The following PFAS variants were observed in gnomAD, a reference collection of about 807,000 sequenced individuals.
PFAS encodes the protein phosphoribosylformylglycinamidine synthase.
PFAS carries 97 observed loss-of-function variants against 140.6 expected under a neutral mutation model. The observed-to-expected ratio is 0.69, with a 90% CI of 0.59 to 0.82. PFAS has a LOEUF of 0.82. Ranked by LOEUF, PFAS falls within the 40% of genes least tolerant of loss-of-function variation. The pLI, the probability that PFAS is intolerant of heterozygous loss-of-function variation, is 0.00. For missense variants in PFAS, 1,656 were observed against 1,780.2 expected, an observed-to-expected ratio of 0.93 and a Z score of 1.26; for synonymous variants, 679 against 718.8, an observed-to-expected ratio of 0.94 and a Z score of 0.88.
intron 1 of PFAS, among the ~76,000 whole-genome samples, chr17:8,252,044 A>G (rs960110303): frequency 6.6e-6 from 1 of 151,978 alleles, no homozygotes; most frequent in South Asian, 2.1e-4. Context: ...CTGTAATCCC[A>G]ACGCTTTGGG....
chr17:8,254,211 T>C lies in PFAS; in HGVS notation c.188T>C (p.Leu63Pro), dbSNP rs1446727881. ...SAEETKKLMW[L>P]FGCPLLLDDV... ...GAGGAGACAAAGAAGCTGATGTGGC[T>C]GTTTGGTTGCCCCTTACTGCTGGAT... Residue 63 changes from leucine to proline, a missense_variant, in exon 3 of 28, where the codon CTG (leucine) becomes CCG (proline). By Grantham distance (98) the Leu-to-Pro change is moderately conservative. This residue lies in a region of PFAS where 773 missense variants were observed against 757.3 expected (regional missense o/e 1.02). Transcript: ENST00000314666. The C allele has an allele frequency of 6.2e-7, 1 of 1,614,196 alleles. No homozygotes were observed. The highest frequency in any genetic ancestry group is 8.5e-7 in the Non-Finnish European group (1 of 1,180,030).
chr17:8,265,159 C>G, intron 18 of PFAS, 34 bp downstream of exon 18: 1 of 1,578,630 alleles, frequency 6.3e-7, no homozygotes, highest in Non-Finnish European at 8.7e-7. Context: ...CCTGGAGCCC[C>G]CGGGCTTCAG....
At chr17:8,247,931 A>G (rs1988902797), upstream of PFAS, 1 of 1,498,256 alleles carries the variant, frequency 6.7e-7, no homozygotes, top group Non-Finnish European at 9.2e-7. Flanking sequence ...GACAAGGCAG[A>G]GGAAATAGGA....
rs1324453195 is a variant in PFAS at position 8,254,174 on chromosome 17, C to G, written c.151C>G (p.Leu51Val). 1 of 1,614,116 alleles carries G rather than the reference C, an allele frequency of 6.2e-7. No homozygotes were observed. Among genetic ancestry groups the G allele is most frequent in the Non-Finnish European group, 8.5e-7 (1 of 1,180,026 alleles). Reference protein sequence around the residue: ...CYNVNWTAEALPSAEETKKLM... With the variant: ...CYNVNWTAEAVPSAEETKKLM... The stretch of plus-strand genomic sequence containing the variant: ...GCCCTGTCTCCCTGCAGCTGAGGCC[C>G]TCCCCAGTGCTGAGGAGACAAAGAA... Residue 51 changes from leucine (L) to valine (V), a missense_variant, in exon 3 of 28, where the codon CTC becomes GTC. By Grantham distance (32) the Leu-to-Val change is conservative (BLOSUM62 1). Coordinates refer to ENST00000314666, the MANE Select transcript of PFAS (RefSeq NM_012393.3).
intron 20 of PFAS, 56 bp from the exon 21 acceptor site, chr17:8,265,806 C>T: frequency 4.1e-6 from 6 of 1,470,728 alleles, no homozygotes; most frequent in Non-Finnish European, 5.7e-6. Context: ...GTGAGCCCCT[C>T]AGGGATGGGT....
rs142981007 is a variant in PFAS at position 8,256,603 on chromosome 17, C to T, written c.901C>T (p.Leu301=). Residue 301 remains leucine, a synonymous_variant, in exon 8 of 28, where the codon CTG becomes TTG. Coordinates refer to ENST00000314666, the MANE Select transcript of PFAS (RefSeq NM_012393.3). ...RPSRFQQQQG[L]RHVVFTAETH... is the part of the protein sequence containing the mutation. The stretch of plus-strand genomic sequence containing the variant: ...AAGCCGCTTCCAGCAACAGCAAGGG[C>T]TGAGACATGTTGTCTTCACAGCAGA... 52 of 1,614,072 alleles carry T rather than the reference C, an allele frequency of 3.2e-5. No homozygotes were observed. The African/African-American group carries it at 6.5e-4, about 20-fold the overall frequency.
At chr17:8,254,562 G>T (rs1417593190) in intron 3 of PFAS, among the ~76,000 whole-genome samples, 1 of 152,174 alleles carries the variant, frequency 6.6e-6, no homozygotes, top group African/African-American at 2.4e-5. Flanking sequence ...CCAGCACTTT[G>T]GGAGGCCGAG....
intron 11 of PFAS, 148 bp downstream of exon 11, chr17:8,258,347 C>G (rs1417303114): frequency 1.1e-6 from 1 of 886,120 alleles, no homozygotes; most frequent in East Asian, 2.6e-5. Context: ...ACAACTCATT[C>G]TGAGAAATGT....
At position 8,265,072 on chromosome 17, in the gene PFAS, G is replaced by A; in HGVS notation, c.2227G>A (p.Ala743Thr). 1 of 1,613,434 alleles carries A rather than the reference G, an allele frequency of 6.2e-7. No individual in the cohort carries two copies. The highest frequency in any genetic ancestry group is 8.5e-7 in the Non-Finnish European group (1 of 1,180,002). ...GGACCCAAAAGTCGCCGCCCGGCTGGCCGTGGCCGAAGCCCTCACCAACCT... is the reference window on the plus strand; with the variant it reads ...GGACCCAAAAGTCGCCGCCCGGCTGACCGTGGCCGAAGCCCTCACCAACCT... ...LLDPKVAARLAVAEALTNLVF... is the reference protein window; with the variant it reads ...LLDPKVAARLTVAEALTNLVF... Residue 743 changes from alanine to threonine, a missense_variant, in exon 18 of 28, where the codon GCC becomes ACC. Physicochemically the swap from Ala to Thr is moderately conservative, Grantham distance 58 (BLOSUM62 0). This residue lies in a region of PFAS where 883 missense variants were observed against 1,023.0 expected (regional missense o/e 0.86). Coordinates refer to ENST00000314666, the MANE Select transcript of PFAS (RefSeq NM_012393.3).
Position 8,267,674 on chromosome 17 carries a change from G to T in PFAS, c.3382+9G>T. 6.9e-7 allele frequency: 1 copy of T among 1,454,054 alleles called. No individual in the cohort carries two copies. Among genetic ancestry groups the T allele is most frequent in the Non-Finnish European group, 9.6e-7 (1 of 1,037,588 alleles). The allele number at this position is 1,454,054 out of a possible 1,614,324, so 90.1% of individuals were successfully genotyped here. ...CCTGGGCTCTGCCAAAGGTCAGTGT[G>T]CAGGCTTCTGCCCACTCCCTTCCCC... On this transcript the variant is annotated intron_variant, in intron 26 of 27. Coordinates refer to ENST00000314666, the MANE Select transcript of PFAS (RefSeq NM_012393.3). The surrounding 1 kb of genome is among the most constrained non-coding windows in gnomAD (Gnocchi z 4.9).
Position 8,265,300 on chromosome 17 carries a change from A to G in PFAS, c.2293A>G (p.Ser765Gly). The change falls in exon 19 of 28, where the codon AGC becomes GGC. Residue 765 changes from serine (S) to glycine (G), a missense_variant. This residue lies in a region of PFAS where 883 missense variants were observed against 1,023.0 expected (regional missense o/e 0.86). Transcript: ENST00000314666. ...LVTDLRDVKC[S>G]GNWMWAAKLP... The stretch of plus-strand genomic sequence containing the variant: ...CTGCCACCCCCAGGATGTGAAGTGT[A>G]GCGGGAACTGGATGTGGGCAGCCAA... 6.2e-7 allele frequency: 1 copy of G among 1,613,758 alleles called. No homozygotes were observed. Among genetic ancestry groups the G allele is most frequent in the Non-Finnish European group, 8.5e-7 (1 of 1,179,834 alleles).
intron 11 of PFAS, among the ~76,000 whole-genome samples, chr17:8,262,000 A>G (rs1396008656): frequency 6.6e-6 from 1 of 151,198 alleles, no homozygotes; most frequent in African/African-American, 2.4e-5. Context: ...TGGGCAACCG[A>G]GCAAGACCCC....
Position 8,267,277 on chromosome 17 carries a change from G to A in PFAS, c.3175+42G>A, listed in dbSNP as rs764853250. ...AGAGGCTCCGCGTCCTGGGGGCACT[G>A]AGCCTGGATGCCTGGGCCTGCCCTC... is the stretch of plus-strand genomic sequence containing the variant. On this transcript the variant is annotated intron_variant, in intron 24 of 27. Transcript: ENST00000314666. The surrounding 1 kb of genome is among the most constrained non-coding windows in gnomAD (Gnocchi z 4.9). The A allele has an allele frequency of 6.3e-7, 1 of 1,586,778 alleles. No individual in the cohort carries two copies. The highest frequency in any genetic ancestry group is 1.1e-5 in the South Asian group (1 of 90,022).
Position 8,267,711 on chromosome 17 carries a change from A to G in PFAS, c.3382+46A>G. On this transcript the variant is annotated intron_variant, in intron 26 of 27. Transcript: ENST00000314666. This position sits in a 1 kb window ranked among gnomAD's most constrained non-coding sequence, Gnocchi z 4.9. ...CCACTCCCTTCCCCCACATTCCTGA[A>G]GAGGTGCCTTTAGCCCCATCTTCCT... 4.5e-6 allele frequency: 5 copies of G among 1,110,752 alleles called. No homozygotes were observed. Among genetic ancestry groups the G allele is most frequent in the Non-Finnish European group, 6.8e-6 (5 of 739,944 alleles). 68.8% of individuals were successfully genotyped at this position (1,110,752 alleles called of 1,614,324 possible).
rs566319147 is a variant in PFAS, at chr17:8,265,059, C to T, written c.2214C>T (p.Val738=). The T allele has an allele frequency of 7.4e-6, 12 of 1,613,540 alleles. No homozygotes were observed. Among genetic ancestry groups the T allele is most frequent in the African/African-American group, 5.3e-5 (4 of 75,058 alleles). Residue 738 remains valine, a synonymous_variant, in exon 18 of 28, where the codon GTC becomes GTT. Transcript: ENST00000314666. The part of the protein sequence containing the change: ...QPVKSLLDPK[V]AARLAVAEAL... ...TCAAGAGCCTGCTGGACCCAAAAGT[C>T]GCCGCCCGGCTGGCCGTGGCCGAAG...
At chr17:8,257,785 G>T (rs1989430879) in intron 9 of PFAS, 22 bp from the exon 10 acceptor site, 2 of 1,613,526 alleles carry the variant, frequency 1.2e-6, no homozygotes, top group East Asian at 4.5e-5. Flanking sequence ...AGTTCATCCA[G>T]TTCTCTCTCC....
rs182522559 is a variant in PFAS, at chr17:8,260,129, G to A, written c.1336+1930G>A. 6.1e-4 allele frequency among the ~76,000 whole-genome samples: 93 copies of A among 151,762 alleles called. 1 individual carries two copies. The Middle Eastern group carries it at 0.014, about 22-fold the overall frequency. ...AAAAAAAAAATTTTTTTTTAAGTGT[G>A]GTAAATACATAAACCAGTAATAGTC... On this transcript the variant is annotated intron_variant, in intron 11 of 27. Transcript: ENST00000314666.
At chr17:8,261,607 T>C (rs550046202) in intron 11 of PFAS, among the ~76,000 whole-genome samples, 41 of 151,660 alleles carry the variant, frequency 2.7e-4, no homozygotes, top group African/African-American at 9.7e-4. Context: ...TCAGATCCTT[T>C]CCTATTTCTT....
At chr17:8,248,900 G>C (rs1989003382), upstream of PFAS, among the ~76,000 whole-genome samples, 1 of 152,160 alleles carries the variant, frequency 6.6e-6, no homozygotes, top group African/African-American at 2.4e-5. Context: ...GCATCCCGCA[G>C]GCCTTCAGAT....
Sources: gnomAD v4.1 joint callset for allele counts (sites outside exome capture counted in the v4.1 genomes callset) on GRCh38, gnomAD v4.1.1 for gene constraint, gnomAD v4.1.1 regional missense constraint, Gnocchi (gnomAD v3.1) non-coding constraint, MANE v1.5 for transcripts, NCBI Gene and HGNC (gene_info 2026-07-23, HGNC 2026-07-21) for gene names.